The following COPS2 variants were observed in gnomAD, a reference collection of about 807,000 sequenced individuals.
The protein encoded by COPS2 is COP9 signalosome complex subunit 2.
Under a neutral mutation model 66.1 loss-of-function variants are expected in COPS2, and 10 were observed. That is an observed-to-expected ratio of 0.15 (90% CI 0.09 to 0.26). COPS2 has a LOEUF of 0.26. Among genes scored for constraint, COPS2 ranks in the 10% least tolerant of loss-of-function variants. The pLI, the probability that COPS2 is intolerant of heterozygous loss-of-function variation, is 1.00. For synonymous variants in COPS2, 179 were observed against 171.3 expected (o/e 1.04, Z -0.35); for missense variants, 215 against 513.3 (o/e 0.42, Z 5.62).
intron 1 of COPS2, among the ~76,000 whole-genome samples, chr15:49,154,403 T>C (rs1460274276): frequency 6.6e-6 from 1 of 152,216 alleles, no homozygotes; most frequent in African/African-American, 2.4e-5. Flanking sequence ...ATAGCGAGAA[T>C]TTCCTTTCTC....
intron 4 of COPS2, chr15:49,139,239 G>A: frequency 4.2e-6 from 1 of 237,090 alleles, no homozygotes. Flanking sequence ...TTATTAGAAG[G>A]ACCTGTGGTA....
In COPS2 at chr15:49,144,930, T is replaced by G. The variant is rs772087303; in HGVS notation, c.168+35A>C. 2.4e-6 allele frequency: 3 copies of G among 1,227,590 alleles called. No homozygotes were observed. In the Admixed American group the frequency reaches 7.1e-5, roughly 29 times the overall value. The allele number at this position is 1,227,590 out of a possible 1,614,324, so 76.0% of individuals were successfully genotyped here. On this transcript the variant is annotated intron_variant, in intron 2 of 12. Coordinates refer to ENST00000388901, the MANE Select transcript of COPS2 (RefSeq NM_004236.4). ...TTGTTCTAGCATATCATTAAAAAAA[T>G]TAACACATAGAATCAAATGGAAAAG...
chr15:49,142,571 A>G (rs990725336), intron 3 of COPS2, among the ~76,000 whole-genome samples: 1 of 152,218 alleles, frequency 6.6e-6, no homozygotes, highest in Non-Finnish European at 1.5e-5. Flanking sequence ...TCAATTTGCC[A>G]TAGTTCCTGA....
chr15:49,150,274 A>T (rs1160633841), intron 1 of COPS2, among the ~76,000 whole-genome samples: 6 of 150,796 alleles, frequency 4.0e-5, no homozygotes, highest in Admixed American at 2.6e-4. Flanking sequence ...AAATAAAAAT[A>T]AAAAAATAAA....
At chr15:49,143,729 G>A (rs1277325446) in intron 3 of COPS2, among the ~76,000 whole-genome samples, 1 of 152,224 alleles carries the variant, frequency 6.6e-6, no homozygotes, top group Non-Finnish European at 1.5e-5. Flanking sequence ...GCTCACGCCT[G>A]TAATCCTAGC....
rs907944247 is a variant in COPS2, at chr15:49,137,214, T to C, written c.476A>G (p.Tyr159Cys). 62 of 1,604,794 alleles carry C rather than the reference T, an allele frequency of 3.9e-5. No homozygotes were observed. Among genetic ancestry groups the C allele is most frequent in the Non-Finnish European group, 4.8e-5 (57 of 1,176,548 alleles). ...FKTNTKLGKLYLEREEYGKLQ... is the reference protein window; with the variant it reads ...FKTNTKLGKLCLEREEYGKLQ... ...CTTTCCATATTCCTCTCGTTCTAAA[T>C]ATAATTTTCCAAGCTGCAAGAAAGC... The change falls in exon 6 of 13, where the codon TAT (tyrosine) becomes TGT (cysteine). Residue 159 changes from tyrosine (Y) to cysteine (C), a missense_variant. Transcript: ENST00000388901.
intron 1 of COPS2, among the ~76,000 whole-genome samples, chr15:49,154,645 C>T (rs1021318423): frequency 3.3e-5 from 5 of 152,266 alleles, no homozygotes; most frequent in African/African-American, 1.2e-4. Flanking sequence ...GACGTTAATT[C>T]TGGATCAAGA....
At chr15:49,139,466 A>G in intron 4 of COPS2, 62 bp downstream of exon 4, 1 of 1,365,008 alleles carries the variant, frequency 7.3e-7, no homozygotes, top group East Asian at 2.3e-5. Context: ...TATAAAGAAC[A>G]AAGCCCTTAC....
At chr15:49,134,250 G>C in intron 7 of COPS2, 90 bp downstream of exon 7, 1 of 1,427,320 alleles carries the variant, frequency 7.0e-7, no homozygotes, top group African/African-American at 1.4e-5. Flanking sequence ...TGGCCCCAAG[G>C]TATACACTGA....
chr15:49,147,917 C>T (rs532497057), intron 1 of COPS2, among the ~76,000 whole-genome samples: 3 of 152,034 alleles, frequency 2.0e-5, no homozygotes, highest in African/African-American at 4.8e-5. Context: ...ACATGAGAAT[C>T]GGCACAACTG....
chr15:49,123,733 C>T lies in COPS2; in HGVS notation c.*4217G>A, dbSNP rs1300372823. ...TACACTTGGCATATACCTTTGATGCCGTAATATTTTTAACTACTACAGGTA... is the reference window on the plus strand; with the variant it reads ...TACACTTGGCATATACCTTTGATGCTGTAATATTTTTAACTACTACAGGTA... On this transcript the variant is annotated 3_prime_UTR_variant, in exon 13 of 13. Coordinates refer to ENST00000388901, the MANE Select transcript of COPS2 (RefSeq NM_004236.4). 2.0e-5 allele frequency: 3 copies of T among 151,992 alleles called. No homozygotes were observed. The highest frequency in any genetic ancestry group is 6.6e-5 in the Admixed American group (1 of 15,260). 9.4% of individuals were successfully genotyped at this position (151,992 alleles called of 1,614,324 possible).
intron 9 of COPS2, among the ~76,000 whole-genome samples, chr15:49,132,988 ATT>A (rs35969483): frequency 6.1e-5 from 8 of 130,884 alleles, no homozygotes; most frequent in Admixed American, 8.0e-5. Flanking sequence ...CATTGTAAAC[ATT>A]TTTTTTTTTT....
chr15:49,136,625 A>G (rs1160826246), intron 6 of COPS2, among the ~76,000 whole-genome samples: 1 of 152,128 alleles, frequency 6.6e-6, no homozygotes, highest in Non-Finnish European at 1.5e-5. Flanking sequence ...ATAACTACAT[A>G]TCAATATAAT....
At chr15:49,140,211 T>C (rs1009879009) in intron 3 of COPS2, among the ~76,000 whole-genome samples, 1 of 151,888 alleles carries the variant, frequency 6.6e-6, no homozygotes, top group African/African-American at 2.4e-5. Context: ...GTCAGGCTGG[T>C]CTTGAACTCC....
chr15:49,137,307 C>A (rs1386602615), intron 5 of COPS2, 41 bp downstream of exon 5: 8 of 1,527,582 alleles, frequency 5.2e-6, no homozygotes, highest in East Asian at 2.3e-5. Flanking sequence ...AAAACACCCA[C>A]CCACTTTTCA....
chr15:49,137,631 T>G (rs2084263038), intron 4 of COPS2, 194 bp from the exon 5 acceptor site: 1 of 520,294 alleles, frequency 1.9e-6, no homozygotes, highest in Non-Finnish European at 3.4e-6. Flanking sequence ...ACAAGTACCA[T>G]GATGCGTTGT....
intron 1 of COPS2, among the ~76,000 whole-genome samples, chr15:49,151,385 G>C (rs2084360133): frequency 7.1e-6 from 1 of 141,140 alleles, no homozygotes; most frequent in African/African-American, 2.6e-5. Flanking sequence ...AGGCGAAAGA[G>C]CACAACTCTG....
At position 49,127,709 on chromosome 15, in the gene COPS2, C is replaced by A. The variant is rs2084178341; in HGVS notation, c.*241G>T. The A allele has an allele frequency of 5.3e-6, 2 of 377,252 alleles. No individual in the cohort carries two copies. The highest frequency in any genetic ancestry group is 9.5e-6 in the Non-Finnish European group (2 of 210,992). 23.4% of individuals were successfully genotyped at this position (377,252 alleles called of 1,614,324 possible). Reference sequence around the variant, plus strand: ...TTACTATGATGTTGTACGTTTAGGGCAAGATGTCAATACAGCATAAATCCC... The same window carrying A: ...TTACTATGATGTTGTACGTTTAGGGAAAGATGTCAATACAGCATAAATCCC... On this transcript the variant is annotated 3_prime_UTR_variant, in exon 13 of 13. Transcript: ENST00000388901.
At chr15:49,143,796 C>G (rs2084303545) in intron 3 of COPS2, among the ~76,000 whole-genome samples, 1 of 152,090 alleles carries the variant, frequency 6.6e-6, no homozygotes, top group Non-Finnish European at 1.5e-5. Context: ...ACCATCCTGG[C>G]TAACATGGTG....
Sources: gnomAD v4.1 joint callset for allele counts (sites outside exome capture counted in the v4.1 genomes callset) on GRCh38, gnomAD v4.1.1 for gene constraint, MANE v1.5 for transcripts, NCBI Gene and HGNC (gene_info 2026-07-23, HGNC 2026-07-21) for gene names.